Variants in RPGRIP1L observed in about 807,000 individuals in gnomAD.
RPGRIP1L encodes RPGRIP1 like.
Under a neutral mutation model 160.4 loss-of-function variants are expected in RPGRIP1L, and 131 were observed. The observed-to-expected ratio is 0.82, with a 90% CI of 0.71 to 0.94. RPGRIP1L has a LOEUF of 0.94. RPGRIP1L is among the 40% of genes least tolerant of loss of function. The pLI, the probability that RPGRIP1L is intolerant of heterozygous loss-of-function variation, is 0.00. For missense variants in RPGRIP1L, 1,522 were observed against 1,535.8 expected (o/e 0.99, Z 0.15); for synonymous variants, 510 against 515.8 (o/e 0.99, Z 0.15).
intron 4 of RPGRIP1L, among the ~76,000 whole-genome samples, chr16:53,688,955 T>TA (rs1970204543): frequency 6.6e-6 from 1 of 151,872 alleles, no homozygotes; most frequent in Admixed American, 6.6e-5. Flanking sequence ...TGCTAATTCT[T>TA]ACGCTTTTCC....
rs892392514 is a variant in RPGRIP1L at position 53,645,918 on chromosome 16, C to A, written c.2390G>T (p.Arg797Ile). The A allele has an allele frequency of 8.1e-6, 13 of 1,613,926 alleles. No individual in the cohort carries two copies. In the African/African-American group the frequency reaches 1.5e-4, roughly 18 times the overall value. The stretch of plus-strand genomic sequence containing the variant: ...TCGGGACTGCAGGTGGTTGCAACAT[C>A]TTATTGTAATGTGAAGTTCATTTAA... Reference protein sequence around the residue: ...GNLNELHITIRCCNHLQSRAS... With the variant: ...GNLNELHITIICCNHLQSRAS... The change falls in exon 17 of 27, where the codon AGA (arginine) becomes ATA (isoleucine). Residue 797 changes from arginine to isoleucine, a missense_variant. Coordinates refer to ENST00000647211, the MANE Select transcript of RPGRIP1L (RefSeq NM_015272.5).
intron 1 of RPGRIP1L, among the ~76,000 whole-genome samples, chr16:53,702,924 C>T (rs988824548): frequency 6.6e-6 from 1 of 152,182 alleles, no homozygotes; most frequent in Non-Finnish European, 1.5e-5. Flanking sequence ...GTCTTGTTCA[C>T]AACTGTTCAG....
chr16:53,641,277 A>G lies in RPGRIP1L; in HGVS notation c.2874+8T>C, dbSNP rs371853408. 1.9e-5 allele frequency: 31 copies of G among 1,613,110 alleles called. No individual in the cohort carries two copies. The African/African-American group carries it at 3.9e-4, about 20-fold the overall frequency. On this transcript the variant is annotated splice_region_variant and intron_variant, in intron 18 of 26. Coordinates refer to ENST00000647211, the MANE Select transcript of RPGRIP1L (RefSeq NM_015272.5). ...CTTGTAAAAAAATTAAAAGTCACTG[A>G]TACTCACTAAAACTAGTGTGCTAAC...
chr16:53,669,459 G>GA (rs34727957), intron 9 of RPGRIP1L, among the ~76,000 whole-genome samples: 11,680 of 143,226 alleles, frequency 0.082, 1,298 homozygotes, highest in African/African-American at 0.26. Flanking sequence ...ATAAAACATT[G>GA]AAAAAAAAAA....
chr16:53,612,371 T>C (rs1017707838), intron 24 of RPGRIP1L, among the ~76,000 whole-genome samples: 1 of 152,156 alleles, frequency 6.6e-6, no homozygotes, highest in African/African-American at 2.4e-5. Context: ...AGGTTCAGAG[T>C]ATTTTTTTTA....
In RPGRIP1L at chr16:53,652,844, T is replaced by G. The variant is rs121918198; in HGVS notation, c.1843A>C (p.Thr615Pro). 107 of 1,613,342 alleles carry G rather than the reference T, an allele frequency of 6.6e-5. No homozygotes were observed. The highest frequency in any genetic ancestry group is 8.6e-5 in the Non-Finnish European group (101 of 1,179,722). ...GCCTGTAAAACTTCAGAAGAAAAGGTTACTTTGTTGATATGGATTTCAAAT... is the reference window on the plus strand; with the variant it reads ...GCCTGTAAAACTTCAGAAGAAAAGGGTACTTTGTTGATATGGATTTCAAAT... ...NLFEIHINKV[T>P]FSSEVLQASG... Residue 615 changes from threonine (T) to proline (P), a missense_variant, in exon 15 of 27, where the codon ACC becomes CCC. Coordinates refer to ENST00000647211, the MANE Select transcript of RPGRIP1L (RefSeq NM_015272.5).
chr16:53,682,812 ATCT>A (rs1436776232), intron 6 of RPGRIP1L, among the ~76,000 whole-genome samples: 1 of 152,172 alleles, frequency 6.6e-6, no homozygotes, highest in African/African-American at 2.4e-5. Context: ...CCAAATCTAA[ATCT>A]TCTTCCTACA....
intron 23 of RPGRIP1L, 131 bp downstream of exon 23, chr16:53,622,088 G>A (rs1446966397): frequency 4.5e-5 from 14 of 310,534 alleles, no homozygotes; most frequent in Non-Finnish European, 5.8e-5. Flanking sequence ...AGATTGGCCC[G>A]GCGCAGTGGC....
At chr16:53,692,021 A>G in intron 4 of RPGRIP1L, 45 bp downstream of exon 4, 1 of 1,581,364 alleles carries the variant, frequency 6.3e-7, no homozygotes, top group Non-Finnish European at 8.7e-7. Context: ...GTGTTAAACA[A>G]TCTAATAAGA....
chr16:53,649,673 C>T (rs17215517), intron 15 of RPGRIP1L, among the ~76,000 whole-genome samples: 8,615 of 152,202 alleles, frequency 0.057, 414 homozygotes, highest in African/African-American at 0.13. Context: ...CCCTGCACAC[C>T]CTCAGTACTC....
chr16:53,641,373 G>A lies in RPGRIP1L; in HGVS notation c.2786C>T (p.Thr929Ile), dbSNP rs762417689. 5 of 1,613,978 alleles carry A rather than the reference G, an allele frequency of 3.1e-6. No individual in the cohort carries two copies. The African/African-American group carries it at 5.3e-5, about 17-fold the overall frequency. The change falls in exon 18 of 27, where the codon ACT becomes ATT. Residue 929 changes from threonine to isoleucine, a missense_variant. Thr to Ile is a moderately conservative substitution (Grantham distance 89). Transcript: ENST00000647211. ...GCGAATGAAATTTCCTAAGTCTTCA[G>A]TTGTTATTGATCCACTTGGTGGAAG... ...AYLPPSGSIT[T>I]EDLGNFIRSE...
chr16:53,674,551 C>A (rs1022177387), intron 7 of RPGRIP1L, among the ~76,000 whole-genome samples: 10 of 151,066 alleles, frequency 6.6e-5, no homozygotes, highest in Admixed American at 4.6e-4. Flanking sequence ...ATGGTAGTGA[C>A]CAAAAAAGAA....
At chr16:53,646,100 A>G in intron 16 of RPGRIP1L, 97 bp from the exon 17 acceptor site, 1 of 1,092,846 alleles carries the variant, frequency 9.2e-7, no homozygotes, top group Non-Finnish European at 1.4e-6. Context: ...TCAATGACAA[A>G]AGCTGCATAT....
intron 9 of RPGRIP1L, among the ~76,000 whole-genome samples, chr16:53,669,679 G>A (rs571827247): frequency 1.3e-5 from 2 of 151,974 alleles, no homozygotes; most frequent in Non-Finnish European, 2.9e-5. Flanking sequence ...ATGGCCATAT[G>A]GCACTATTTT....
At chr16:53,700,484 A>G (rs886105010) in intron 2 of RPGRIP1L, among the ~76,000 whole-genome samples, 155 bp downstream of exon 2, 6 of 152,230 alleles carry the variant, frequency 3.9e-5, no homozygotes, top group Non-Finnish European at 8.8e-5. Flanking sequence ...GTAAAATACC[A>G]TATGTGTTCT....
intron 9 of RPGRIP1L, 34 bp from the exon 10 acceptor site, chr16:53,665,043 G>A (rs750522735): frequency 1.2e-6 from 2 of 1,612,204 alleles, no homozygotes; most frequent in South Asian, 2.2e-5. Flanking sequence ...AGGAAAGCTT[G>A]GAAATCAGCT....
intron 6 of RPGRIP1L, among the ~76,000 whole-genome samples, chr16:53,680,644 G>A (rs2151289702): frequency 6.6e-6 from 1 of 152,278 alleles, no homozygotes; most frequent in Admixed American, 6.5e-5. Context: ...AGATGCTGTG[G>A]CTGTATCATT....
chr16:53,651,578 C>T (rs904896671), intron 15 of RPGRIP1L, among the ~76,000 whole-genome samples: 2 of 152,188 alleles, frequency 1.3e-5, no homozygotes, highest in Admixed American at 6.6e-5. Context: ...CTTGCTCCTC[C>T]CTCAGGTTTT....
intron 9 of RPGRIP1L, among the ~76,000 whole-genome samples, chr16:53,671,112 T>A (rs1374766388): frequency 1.3e-5 from 2 of 152,002 alleles, no homozygotes; most frequent in South Asian, 4.2e-4. Context: ...AGGTGGGAAG[T>A]GCCTCTTAAT....
Sources: gnomAD v4.1 joint callset for allele counts (sites outside exome capture counted in the v4.1 genomes callset) on GRCh38, gnomAD v4.1.1 for gene constraint, MANE v1.5 for transcripts, NCBI Gene and HGNC (gene_info 2026-07-23, HGNC 2026-07-21) for gene names.